Variants in GRIN3A observed in about 807,000 individuals in gnomAD.
GRIN3A encodes glutamate ionotropic receptor NMDA type subunit 3A, also known as glutamate receptor ionotropic, NMDA 3A.
Under a neutral mutation model 92.4 loss-of-function variants are expected in GRIN3A, and 47 were observed. The observed-to-expected ratio is 0.51, with a 90% CI of 0.40 to 0.65. GRIN3A has a LOEUF of 0.65. GRIN3A is among the 30% of genes least tolerant of loss of function. The pLI is 0.00. For synonymous variants in GRIN3A, 527 were observed against 540.6 expected (o/e 0.97, Z 0.35); for missense variants, 1,324 against 1,393.1 (o/e 0.95, Z 0.79).
intron 3 of GRIN3A, among the ~76,000 whole-genome samples, chr9:101,629,520 T>A (rs1828684582): frequency 6.6e-6 from 1 of 152,196 alleles, no homozygotes. Flanking sequence ...ATATAGGAAC[T>A]CTTAAAACCT....
intron 2 of GRIN3A, among the ~76,000 whole-genome samples, chr9:101,682,881 C>G (rs1040804930): frequency 2.0e-5 from 3 of 152,188 alleles, no homozygotes; most frequent in African/African-American, 7.2e-5. Context: ...ACTCGGGAGG[C>G]TGAGGCAGGA....
chr9:101,640,460 A>C (rs1296797077), intron 3 of GRIN3A, among the ~76,000 whole-genome samples: 1 of 152,238 alleles, frequency 6.6e-6, no homozygotes, highest in Non-Finnish European at 1.5e-5. Context: ...GAGATAAATG[A>C]GGATTAGTGA....
At chr9:101,594,291 C>T in intron 6 of GRIN3A, 1 of 1,326,998 alleles carries the variant, frequency 7.5e-7, no homozygotes, top group Non-Finnish European at 1.0e-6. Context: ...GGACATATGG[C>T]TTCACAAAAA....
intron 3 of GRIN3A, among the ~76,000 whole-genome samples, chr9:101,656,559 G>A (rs1029005847): frequency 1.3e-5 from 2 of 151,870 alleles, no homozygotes; most frequent in Non-Finnish European, 2.9e-5. Context: ...TTGCTTCTCT[G>A]ATTGTATTGT....
In GRIN3A at chr9:101,738,007, C is replaced by T. The variant is rs756054430; in HGVS notation, c.-28G>A. On this transcript the variant is annotated 5_prime_UTR_variant, in exon 1 of 9. Transcript: ENST00000361820. ...CTGAGACCCGCAGGGAGAAAGCGCG[C>T]CCCCTCCTGCGCCCGGCTCGCCCCT... 11 of 1,516,698 alleles carry T rather than the reference C, an allele frequency of 7.3e-6. No homozygotes were observed. The highest frequency in any genetic ancestry group is 1.2e-5 in the South Asian group (1 of 83,590). 94.0% of individuals were successfully genotyped at this position (1,516,698 alleles called of 1,614,324 possible).
chr9:101,582,435 G>A (rs1293651880), intron 6 of GRIN3A, among the ~76,000 whole-genome samples: 7 of 152,184 alleles, frequency 4.6e-5, no homozygotes, highest in East Asian at 1.9e-4. Context: ...AATGCAGGCC[G>A]AAGCCCAGCC....
intron 3 of GRIN3A, among the ~76,000 whole-genome samples, chr9:101,660,967 A>G (rs1365775741): frequency 1.3e-5 from 2 of 151,896 alleles, no homozygotes; most frequent in African/African-American, 4.8e-5. Flanking sequence ...TTCTGAGGAT[A>G]CAGTGTTAAG....
At chr9:101,645,876 A>G (rs1190807178) in intron 3 of GRIN3A, among the ~76,000 whole-genome samples, 2 of 151,422 alleles carry the variant, frequency 1.3e-5, no homozygotes, top group Non-Finnish European at 3.0e-5. Flanking sequence ...CTTCTTTTGA[A>G]AAATACATAT....
intron 1 of GRIN3A, among the ~76,000 whole-genome samples, chr9:101,704,061 G>A (rs1005737081): frequency 3.9e-5 from 6 of 152,230 alleles, no homozygotes; most frequent in South Asian, 2.1e-4. Context: ...GGCAAACAAC[G>A]GTATTTACTA....
chr9:101,701,803 T>C (rs1028461596), intron 1 of GRIN3A, among the ~76,000 whole-genome samples: 24 of 152,122 alleles, frequency 1.6e-4, no homozygotes, highest in African/African-American at 2.9e-4. Context: ...CTTTCAATTA[T>C]ATAGATGATT....
At chr9:101,709,285 CA>C (rs1829848548) in intron 1 of GRIN3A, among the ~76,000 whole-genome samples, 1 of 152,170 alleles carries the variant, frequency 6.6e-6, no homozygotes, top group South Asian at 2.1e-4. Flanking sequence ...TTATCTATGT[CA>C]CCAGCTTCAG....
intron 1 of GRIN3A, among the ~76,000 whole-genome samples, chr9:101,720,961 T>C (rs964124654): frequency 2.6e-5 from 4 of 152,342 alleles, no homozygotes; most frequent in Admixed American, 6.5e-5. Context: ...AGTTTACCTA[T>C]GTAACAAACC....
chr9:101,585,437 C>T (rs1827937846), intron 6 of GRIN3A, among the ~76,000 whole-genome samples: 2 of 152,134 alleles, frequency 1.3e-5, no homozygotes, highest in African/African-American at 4.8e-5. Flanking sequence ...TCCTAACTTC[C>T]TACTCTGCCT....
chr9:101,621,384 C>T (rs541510170), intron 5 of GRIN3A, among the ~76,000 whole-genome samples: 248 of 151,954 alleles, frequency 1.6e-3, no homozygotes, highest in Non-Finnish European at 2.6e-3. Context: ...GTAATTTATA[C>T]GTATCCTTTT....
chr9:101,725,955 CTCTG>C (rs1247488550), intron 1 of GRIN3A, among the ~76,000 whole-genome samples: 2 of 152,106 alleles, frequency 1.3e-5, no homozygotes, highest in African/African-American at 4.8e-5. Context: ...TTGCACTTGT[CTCTG>C]TCTAATAATA....
Position 101,670,851 on chromosome 9 carries a change from T to G in GRIN3A, c.1561A>C (p.Ile521Leu). Residue 521 changes from isoleucine (I) to leucine (L), a missense_variant, in exon 3 of 9, where the codon ATT becomes CTT. Physicochemically the swap from Ile to Leu is conservative, Grantham distance 5 (BLOSUM62 2). Transcript: ENST00000361820. ...CTTGTGAAGACAAAAGGATGCTCAA[T>G]CAGGGTAACCACTCTCAAGTGTAGC... The part of the protein sequence containing the change: ...SKLHLRVVTL[I>L]EHPFVFTREV... 2 of 1,613,858 alleles carry G rather than the reference T, an allele frequency of 1.2e-6. No homozygotes were observed. Among genetic ancestry groups the G allele is most frequent in the Non-Finnish European group, 1.7e-6 (2 of 1,179,864 alleles).
At chr9:101,712,387 A>G (rs748586104) in intron 1 of GRIN3A, among the ~76,000 whole-genome samples, 3 of 152,212 alleles carry the variant, frequency 2.0e-5, no homozygotes, top group Non-Finnish European at 2.9e-5. Flanking sequence ...GGACTTCACT[A>G]GCTTCAAACC....
At chr9:101,637,707 G>A (rs1828803736) in intron 3 of GRIN3A, among the ~76,000 whole-genome samples, 1 of 152,176 alleles carries the variant, frequency 6.6e-6, no homozygotes, top group African/African-American at 2.4e-5. Flanking sequence ...GAGAAACTGA[G>A]GCTTGAATTT....
chr9:101,715,200 TAAA>T lies in GRIN3A; in HGVS notation c.699+22078_699+22080del, dbSNP rs5899459. 1.1e-4 allele frequency among the ~76,000 whole-genome samples: 14 copies of T among 127,664 alleles called. No homozygotes were observed. The South Asian group carries it at 1.5e-3, about 14-fold the overall frequency. 83.8% of individuals were successfully genotyped at this position (127,664 alleles called of 152,430 possible). A position where few individuals can be genotyped will look rare whatever the true frequency, so the allele number is the denominator to read the frequency against. Reference sequence around the variant, plus strand: ...ATGGGACATTTTGTGACAAAAATGGTAAAAAAAAAAAAAAAAAAAGAAAATGTC... The same window carrying T: ...ATGGGACATTTTGTGACAAAAATGGTAAAAAAAAAAAAAAAAGAAAATGTC... On this transcript the variant is annotated intron_variant, in intron 1 of 8. Coordinates refer to ENST00000361820, the MANE Select transcript of GRIN3A (RefSeq NM_133445.3).
Sources: gnomAD v4.1 joint callset for allele counts (sites outside exome capture counted in the v4.1 genomes callset) on GRCh38, gnomAD v4.1.1 for gene constraint, MANE v1.5 for transcripts, NCBI Gene and HGNC (gene_info 2026-07-23, HGNC 2026-07-21) for gene names.